The following QRICH1 variants were observed in gnomAD, a reference collection of about 807,000 sequenced individuals.
QRICH1 encodes transcriptional regulator QRICH1.
QRICH1 carries 16 observed loss-of-function variants against 87.1 expected under a neutral mutation model. That is an observed-to-expected ratio of 0.18 (90% CI 0.12 to 0.28). The LOEUF (loss-of-function observed/expected upper bound fraction) is 0.28. Ranked by LOEUF, QRICH1 falls within the 10% of genes least tolerant of loss-of-function variation. The probability of loss-of-function intolerance (pLI) is 1.00; values close to 1 mark genes in which losing one functional copy is unlikely to be tolerated. For missense variants in QRICH1, 647 were observed against 951.7 expected (o/e 0.68, Z 4.21); for synonymous variants, 367 against 368.4 (o/e 1.00, Z 0.05).
chr3:49,048,337 G>A (rs889967720), intron 3 of QRICH1, among the ~76,000 whole-genome samples: 1 of 151,410 alleles, frequency 6.6e-6, no homozygotes, highest in Non-Finnish European at 1.5e-5. Flanking sequence ...TCTCCATGTT[G>A]GTCAGGCTGG....
At chr3:49,034,712 G>C (rs938131854) in intron 6 of QRICH1, among the ~76,000 whole-genome samples, 3 of 152,184 alleles carry the variant, frequency 2.0e-5, no homozygotes, top group Admixed American at 6.5e-5. Flanking sequence ...TACAGGCAAA[G>C]GTCAATAATT....
intron 3 of QRICH1, among the ~76,000 whole-genome samples, chr3:49,053,522 G>C (rs555553336): frequency 3.3e-5 from 5 of 151,838 alleles, no homozygotes; most frequent in South Asian, 4.2e-4. Context: ...TCAACAATGG[G>C]CTGCTGTGTT....
At chr3:49,048,424 C>G (rs569706596) in intron 3 of QRICH1, among the ~76,000 whole-genome samples, 6 of 150,142 alleles carry the variant, frequency 4.0e-5, no homozygotes, top group Admixed American at 4.0e-4. Context: ...GGCCATCGGC[C>G]GAGAGCACTG....
At chr3:49,043,088 G>A (rs1306135703) in intron 6 of QRICH1, among the ~76,000 whole-genome samples, 1 of 151,990 alleles carries the variant, frequency 6.6e-6, no homozygotes, top group African/African-American at 2.4e-5. Context: ...CCATACTAAC[G>A]CAACATGTTA....
chr3:49,033,246 C>G lies in QRICH1; in HGVS notation c.1787-18G>C. 6.8e-7 allele frequency: 1 copy of G among 1,463,486 alleles called. No individual in the cohort carries two copies. Among genetic ancestry groups the G allele is most frequent in the Non-Finnish European group, 9.1e-7 (1 of 1,094,420 alleles). The allele number at this position is 1,463,486 out of a possible 1,614,324, so 90.7% of individuals were successfully genotyped here. ...GACATAGCCTAGGAGGAATAGAGTA[C>G]TGTCACAACAAGAGGATGGCAGGTG... On this transcript the variant is annotated intron_variant, in intron 6 of 9. Transcript: ENST00000395443.
At chr3:49,051,567 G>C (rs1038469838) in intron 3 of QRICH1, among the ~76,000 whole-genome samples, 5 of 136,512 alleles carry the variant, frequency 3.7e-5, no homozygotes, top group African/African-American at 1.4e-4. Context: ...GTACCTCCAA[G>C]CTAGAACCCC....
chr3:49,077,375 T>C (rs2041970845), intron 1 of QRICH1, among the ~76,000 whole-genome samples: 1 of 152,142 alleles, frequency 6.6e-6, no homozygotes, highest in Non-Finnish European at 1.5e-5. Context: ...AAATGTCACA[T>C]GCAAAACTGC....
chr3:49,071,610 C>A (rs924128224), intron 2 of QRICH1, among the ~76,000 whole-genome samples: 1 of 152,070 alleles, frequency 6.6e-6, no homozygotes, highest in Non-Finnish European at 1.5e-5. Flanking sequence ...GAAAAAAGTA[C>A]AAAAATTGGC....
At position 49,089,714 on chromosome 3, in the gene QRICH1, G is replaced by A. The variant is rs143851677; in HGVS notation, c.-22+4198C>T. Among the ~76,000 whole-genome samples the A allele has an allele frequency of 4.5e-3, 686 of 152,254 alleles. 2 individuals are homozygous for A. Among genetic ancestry groups the A allele is most frequent in the Middle Eastern group, 0.01 (3 of 294 alleles). ...ACAAATTTCAGAAACATTATGCTAA[G>A]ACAACATAATACAGCATGACTCCAT... On this transcript the variant is annotated intron_variant, in intron 1 of 9. Transcript: ENST00000395443.
chr3:49,092,821 G>A (rs145153866), intron 1 of QRICH1, among the ~76,000 whole-genome samples: 2 of 152,162 alleles, frequency 1.3e-5, no homozygotes, highest in Non-Finnish European at 2.9e-5. Flanking sequence ...AATTTCTGCT[G>A]GGATTTCTGC....
At chr3:49,080,152 C>G (rs2042031145) in intron 1 of QRICH1, among the ~76,000 whole-genome samples, 1 of 152,066 alleles carries the variant, frequency 6.6e-6, no homozygotes, top group Non-Finnish European at 1.5e-5. Flanking sequence ...ATTATATGAG[C>G]AGCCATTAAC....
Position 49,067,517 on chromosome 3 carries a change from G to A in QRICH1, c.309+9192C>T, listed in dbSNP as rs376902546. On this transcript the variant is annotated intron_variant, in intron 2 of 9. Coordinates refer to ENST00000395443, the MANE Select transcript of QRICH1 (RefSeq NM_198880.3). Reference sequence around the variant, plus strand: ...CAGGAGGCGGAGCTTGCAGTGAGCCGAGATAGCACCACTGCACTCCAGCCT... The same window carrying A: ...CAGGAGGCGGAGCTTGCAGTGAGCCAAGATAGCACCACTGCACTCCAGCCT... 1.1e-4 allele frequency among the ~76,000 whole-genome samples: 17 copies of A among 151,646 alleles called. No individual in the cohort carries two copies. In the East Asian group the frequency reaches 1.4e-3, roughly 12 times the overall value.
At chr3:49,079,285 A>C (rs2042012166) in intron 1 of QRICH1, among the ~76,000 whole-genome samples, 1 of 151,960 alleles carries the variant, frequency 6.6e-6, no homozygotes, top group African/African-American at 2.4e-5. Flanking sequence ...AGCTGGTCAC[A>C]GTGGTGCACA....
intron 1 of QRICH1, among the ~76,000 whole-genome samples, chr3:49,084,451 C>T (rs950393750): frequency 4.6e-5 from 7 of 151,582 alleles, no homozygotes; most frequent in Non-Finnish European, 7.4e-5. Context: ...GACGGGATTT[C>T]GCCATGTTGG....
At chr3:49,045,349 A>AAAAT (rs2093333254) in intron 5 of QRICH1, among the ~76,000 whole-genome samples, 1 of 142,708 alleles carries the variant, frequency 7.0e-6, no homozygotes, top group African/African-American at 2.6e-5. Flanking sequence ...AAAAAAAAAA[A>AAAAT]GTCAAGGTAA....
intron 6 of QRICH1, among the ~76,000 whole-genome samples, chr3:49,041,429 G>A (rs2093309199): frequency 6.6e-6 from 1 of 151,932 alleles, no homozygotes; most frequent in Non-Finnish European, 1.5e-5. Context: ...CTGGGCTCAA[G>A]CAATCCTCTC....
At chr3:49,060,821 G>A (rs2093430315) in intron 2 of QRICH1, among the ~76,000 whole-genome samples, 1 of 152,028 alleles carries the variant, frequency 6.6e-6, no homozygotes, top group African/African-American at 2.4e-5. Context: ...TATCTAGGCT[G>A]CATGCTCCTT....
intron 6 of QRICH1, among the ~76,000 whole-genome samples, chr3:49,037,541 G>A (rs1174856108): frequency 2.6e-5 from 4 of 152,202 alleles, no homozygotes; most frequent in African/African-American, 4.8e-5. Flanking sequence ...CGACCAGCGC[G>A]GCCAACATGG....
intron 2 of QRICH1, among the ~76,000 whole-genome samples, chr3:49,072,300 A>G (rs1481079689): frequency 2.0e-5 from 3 of 152,048 alleles, no homozygotes; most frequent in Admixed American, 1.3e-4. Context: ...AAGTAAATAA[A>G]TATAAAGATA....
Sources: allele counts gnomAD v4.1 joint callset (sites outside exome capture counted in the v4.1 genomes callset), GRCh38; gene constraint gnomAD v4.1.1; transcripts MANE v1.5; gene names NCBI Gene and HGNC (gene_info 2026-07-23, HGNC 2026-07-21).